Variants in ADGRV1 observed in about 807,000 individuals in gnomAD.
The protein encoded by ADGRV1 is G-protein coupled receptor 98.
ADGRV1 carries 359 observed loss-of-function variants against 596.2 expected under a neutral mutation model. The observed-to-expected ratio is 0.60, with a 90% CI of 0.55 to 0.66. The LOEUF (loss-of-function observed/expected upper bound fraction) is 0.66, where lower values mean the gene tolerates loss of function less well. Ranked by LOEUF, ADGRV1 falls within the 30% of genes least tolerant of loss-of-function variation. The pLI is 0.00. For missense variants in ADGRV1, 7,274 were observed against 7,575.6 expected (o/e 0.96, Z 1.48); for synonymous variants, 2,681 against 2,679.2 (o/e 1.00, Z -0.02).
chr5:90,754,620 T>A (rs1283716842), intron 54 of ADGRV1, among the ~76,000 whole-genome samples: 4 of 152,180 alleles, frequency 2.6e-5, no homozygotes, highest in Non-Finnish European at 5.9e-5. Flanking sequence ...TTTTGAAGAA[T>A]CTTTTGAGCC....
intron 77 of ADGRV1, among the ~76,000 whole-genome samples, chr5:90,834,304 C>T (rs766160578): frequency 6.6e-6 from 1 of 152,084 alleles, no homozygotes; most frequent in Non-Finnish European, 1.5e-5. Context: ...GAAGAACTTC[C>T]GTTAGCATTT....
intron 83 of ADGRV1, among the ~76,000 whole-genome samples, chr5:90,939,119 C>T (rs914837871): frequency 6.6e-6 from 1 of 152,278 alleles, no homozygotes; most frequent in East Asian, 1.9e-4. Context: ...AACATGTTCA[C>T]TTCTTCCAGC....
At chr5:90,928,246 C>T (rs1042664088) in intron 83 of ADGRV1, among the ~76,000 whole-genome samples, 41 of 152,130 alleles carry the variant, frequency 2.7e-4, no homozygotes, top group Non-Finnish European at 2.9e-5. Flanking sequence ...TGGTTCCATT[C>T]TCCCCATCAC....
chr5:91,081,028 G>T (rs997235315), intron 86 of ADGRV1, among the ~76,000 whole-genome samples: 1 of 152,088 alleles, frequency 6.6e-6, no homozygotes, highest in Non-Finnish European at 1.5e-5. Flanking sequence ...TAGACTGGGT[G>T]TCCTAAACAA....
intron 9 of ADGRV1, among the ~76,000 whole-genome samples, chr5:90,633,326 A>G (rs1765738914): frequency 6.6e-6 from 1 of 152,132 alleles, no homozygotes. Context: ...GATTAATTCT[A>G]TAACTTTTTT....
At chr5:90,595,087 G>A (rs1328911659) in intron 1 of ADGRV1, among the ~76,000 whole-genome samples, 15 of 133,752 alleles carry the variant, frequency 1.1e-4, no homozygotes, top group South Asian at 4.8e-4. Context: ...CTCACCTCCC[G>A]GACGGGGCAG....
chr5:91,099,900 A>G (rs754028420), intron 86 of ADGRV1, among the ~76,000 whole-genome samples: 8 of 152,326 alleles, frequency 5.3e-5, no homozygotes, highest in East Asian at 1.9e-4. Context: ...TGTATCCTCT[A>G]TCTACTAAGA....
intron 21 of ADGRV1, among the ~76,000 whole-genome samples, chr5:90,666,335 T>C (rs1205956648): frequency 6.6e-6 from 1 of 152,188 alleles, no homozygotes; most frequent in Non-Finnish European, 1.5e-5. Context: ...TAGTTAGCTC[T>C]TCTTGTTGAA....
chr5:90,697,137 G>T lies in ADGRV1; in HGVS notation c.8146G>T (p.Gly2716Cys). 3.7e-6 allele frequency: 6 copies of T among 1,611,550 alleles called. No homozygotes were observed. Among genetic ancestry groups the T allele is most frequent in the Non-Finnish European group, 5.1e-6 (6 of 1,178,244 alleles). The change falls in exon 34 of 90, where the codon GGT becomes TGT. Residue 2716 changes from glycine (G) to cysteine (C), a missense_variant. This residue lies in a region of ADGRV1 where 3,643 missense variants were observed against 3,809.2 expected (regional missense o/e 0.96). Coordinates refer to ENST00000405460, the MANE Select transcript of ADGRV1 (RefSeq NM_032119.4). ...TCAGACAGCTTCCAGATCTGTCATA[G>T]GTCATGAAGGTGGGTTCCTTTTTTT... ...SFQTASRSVI[G>C]HEGEILQFHV...
intron 69 of ADGRV1, 94 bp downstream of exon 69, chr5:90,789,945 T>G: frequency 2.1e-6 from 2 of 930,438 alleles, no homozygotes; most frequent in Non-Finnish European, 2.9e-6. Flanking sequence ...TTAATTAAAG[T>G]TTTTGATAAA....
In ADGRV1 at chr5:90,619,164, A is replaced by T; in HGVS notation, c.436A>T (p.Ile146Phe). Residue 146 changes from isoleucine (I) to phenylalanine (F), a missense_variant, in exon 4 of 90, where the codon ATT (isoleucine) becomes TTT (phenylalanine). Ile to Phe is a conservative substitution (Grantham distance 21). Around this residue, in one of 5 missense-constraint regions of ADGRV1, gnomAD observed 1,715 missense variants for 1,708.8 expected, o/e 1.00. Coordinates refer to ENST00000405460, the MANE Select transcript of ADGRV1 (RefSeq NM_032119.4). ...ATTATCAAATGACAATGCATTTGGA[A>T]TTATTTCATTTAATATGGTATGGAC... ...TILSNDNAFG[I>F]ISFNMLPSIA... The T allele has an allele frequency of 6.9e-7, 1 of 1,443,648 alleles. No homozygotes were observed. 89.4% of individuals were successfully genotyped at this position (1,443,648 alleles called of 1,614,324 possible).
At chr5:90,580,091 G>A (rs1757795836) in intron 1 of ADGRV1, among the ~76,000 whole-genome samples, 1 of 152,058 alleles carries the variant, frequency 6.6e-6, no homozygotes, top group African/African-American at 2.4e-5. Context: ...TCTTTTAATT[G>A]GGGCATTTAA....
At chr5:90,575,257 G>A (rs183906129) in intron 1 of ADGRV1, among the ~76,000 whole-genome samples, 1 of 151,350 alleles carries the variant, frequency 6.6e-6, no homozygotes, top group African/African-American at 2.4e-5. Flanking sequence ...TTTGTGTTAT[G>A]TTATTTTATT....
intron 29 of ADGRV1, among the ~76,000 whole-genome samples, chr5:90,688,886 A>T (rs558998431): frequency 5.9e-5 from 9 of 152,198 alleles, no homozygotes; most frequent in Non-Finnish European, 1.5e-5. Context: ...GGATCCCTTT[A>T]TCTTCTTGCT....
At chr5:90,665,222 G>A (rs1476056695) in intron 21 of ADGRV1, among the ~76,000 whole-genome samples, 8 of 151,968 alleles carry the variant, frequency 5.3e-5, no homozygotes, top group Non-Finnish European at 7.4e-5. Flanking sequence ...GGTAGAATTC[G>A]GCTGTGAATC....
At chr5:90,682,606 T>A (rs1745094998) in intron 27 of ADGRV1, among the ~76,000 whole-genome samples, 1 of 152,206 alleles carries the variant, frequency 6.6e-6, no homozygotes, top group South Asian at 2.1e-4. Context: ...AACATATCCT[T>A]CTGTACTATT....
chr5:90,799,830 G>A (rs916244501), intron 70 of ADGRV1, among the ~76,000 whole-genome samples: 1 of 152,148 alleles, frequency 6.6e-6, no homozygotes, highest in Admixed American at 6.6e-5. Flanking sequence ...AATGGGGAAA[G>A]GATTCCCTAT....
At chr5:91,050,397 T>G (rs1177695382) in intron 85 of ADGRV1, among the ~76,000 whole-genome samples, 1 of 152,200 alleles carries the variant, frequency 6.6e-6, no homozygotes, top group Non-Finnish European at 1.5e-5. Context: ...TTCTCAGCAC[T>G]TCACAATGTC....
chr5:91,139,853 G>A (rs1794952410), intron 87 of ADGRV1, among the ~76,000 whole-genome samples: 1 of 152,116 alleles, frequency 6.6e-6, no homozygotes, highest in Admixed American at 6.5e-5. Context: ...TCTCCTTGAT[G>A]TCTGTTTTGA....
Sources: gnomAD v4.1 joint callset for allele counts (sites outside exome capture counted in the v4.1 genomes callset) on GRCh38, gnomAD v4.1.1 for gene constraint, gnomAD v4.1.1 regional missense constraint, MANE v1.5 for transcripts, NCBI Gene and HGNC (gene_info 2026-07-23, HGNC 2026-07-21) for gene names.